ZNF829: variants seen among roughly 807,000 people sequenced by gnomAD.
ZNF829 encodes the protein zinc finger protein 829.
ZNF829 carries 25 observed loss-of-function variants against 35.2 expected under a neutral mutation model. That is an observed-to-expected ratio of 0.71 (90% CI 0.52 to 0.99). ZNF829 has a LOEUF of 0.99. ZNF829 is among the 50% of genes least tolerant of loss of function. ZNF829 has a pLI of 0.00. For missense variants in ZNF829, 417 were observed against 515.3 expected (o/e 0.81, Z 1.85); for synonymous variants, 136 against 163.2 (o/e 0.83, Z 1.27).
chr19:36,907,895 T>C (rs1333947015), intron 5 of ZNF829, 34 bp downstream of exon 5: 2 of 1,562,290 alleles, frequency 1.3e-6, no homozygotes, highest in South Asian at 1.1e-5. Flanking sequence ...TATCTCTTTA[T>C]AGCCCTGCTC....
At chr19:36,899,260 G>A (rs2073140146) in intron 5 of ZNF829, among the ~76,000 whole-genome samples, 1 of 149,016 alleles carries the variant, frequency 6.7e-6, no homozygotes, top group Admixed American at 6.6e-5. Context: ...GGGAACATAG[G>A]GAGACCCCCC....
In ZNF829 at chr19:36,911,447, A is replaced by C. The variant is rs547198771; in HGVS notation, c.97-2988T>G. 6.6e-5 allele frequency among the ~76,000 whole-genome samples: 10 copies of C among 152,176 alleles called. No homozygotes were observed. The South Asian group carries it at 1.9e-3, about 28-fold the overall frequency. ...GGCTGTTCTCAAACTCCTGACCTCA[A>C]GTGATCCTCCCATCTCGGCCTCCCA... On this transcript the variant is annotated intron_variant, in intron 3 of 5. Transcript: ENST00000391711.
intron 1 of ZNF829, 161 bp downstream of exon 1, chr19:36,915,850 C>T (rs2073321161): frequency 2.0e-6 from 3 of 1,535,990 alleles, no homozygotes; most frequent in Non-Finnish European, 2.6e-6. Flanking sequence ...CTGCCTCGGC[C>T]TCCCAAACAC....
At chr19:36,901,325 G>C (rs1304434830) in intron 5 of ZNF829, among the ~76,000 whole-genome samples, 3 of 152,248 alleles carry the variant, frequency 2.0e-5, no homozygotes, top group South Asian at 2.1e-4. Context: ...AATCCATAGA[G>C]AAAATCAACT....
In ZNF829 at chr19:36,889,181, T is replaced by C. The variant is rs1214907782; in HGVS notation, c.*2311A>G. 1.3e-5 allele frequency: 2 copies of C among 152,188 alleles called. No homozygotes were observed. Among genetic ancestry groups the C allele is most frequent in the Non-Finnish European group, 2.9e-5 (2 of 68,038 alleles). 9.4% of individuals were successfully genotyped at this position (152,188 alleles called of 1,614,324 possible). A position where few individuals can be genotyped will look rare whatever the true frequency, so the allele number is the denominator to read the frequency against. On this transcript the variant is annotated 3_prime_UTR_variant, in exon 6 of 6. Transcript: ENST00000391711. ...TGCTGTTACTATCTTTTTTATGTAC[T>C]GTTTGATTTGGTTTGCTAGTATTTT...
At position 36,892,160 on chromosome 19, in the gene ZNF829, G is replaced by GT. The variant is rs752311498; in HGVS notation, c.630dup (p.Pro211ThrfsTer3). 1.1e-5 allele frequency: 17 copies of GT among 1,613,992 alleles called. No homozygotes were observed. The highest frequency in any genetic ancestry group is 1.3e-5 in the Non-Finnish European group (15 of 1,180,026). ...TTGCCACATTCCTTACATTCATAGGGTTTTTTACCAGTGTGAATCCTCTGA... is the reference window on the plus strand; with the variant it reads ...TTGCCACATTCCTTACATTCATAGGGTTTTTTTACCAGTGTGAATCCTCTGA... On this transcript the variant is annotated frameshift_variant, in exon 6 of 6. Transcript: ENST00000391711. LOFTEE classifies it high-confidence loss of function.
At chr19:36,893,753 A>C (rs1018056270) in intron 5 of ZNF829, among the ~76,000 whole-genome samples, 3 of 152,088 alleles carry the variant, frequency 2.0e-5, no homozygotes, top group Admixed American at 2.0e-4. Flanking sequence ...AGTCCCTAAA[A>C]ATCTCTTAAA....
chr19:36,893,134 G>A (rs911431408), intron 5 of ZNF829: 2 of 396,096 alleles, frequency 5.0e-6, no homozygotes, highest in East Asian at 7.1e-5. Flanking sequence ...TTTAAATGTC[G>A]GGGGCGGGTG....
chr19:36,905,028 ATCT>A (rs2073204070), intron 5 of ZNF829, among the ~76,000 whole-genome samples: 1 of 152,128 alleles, frequency 6.6e-6, no homozygotes, highest in Admixed American at 6.6e-5. Flanking sequence ...GGACACATGG[ATCT>A]TCTATTTCCA....
intron 5 of ZNF829, 113 bp downstream of exon 5, chr19:36,907,816 A>T: frequency 1.2e-6 from 1 of 810,292 alleles, no homozygotes; most frequent in Non-Finnish European, 1.9e-6. Flanking sequence ...AAAAAAAAAA[A>T]GTGGGATAGC....
intron 5 of ZNF829, chr19:36,906,100 A>G (rs989214687): frequency 1.3e-5 from 2 of 152,210 alleles, no homozygotes; most frequent in Non-Finnish European, 2.9e-5. Context: ...AGGAAAGTAG[A>G]TCTAAATGGA....
intron 5 of ZNF829, 160 bp downstream of exon 5, chr19:36,907,769 G>A (rs2073230680): frequency 5.3e-6 from 3 of 562,720 alleles, no homozygotes; most frequent in Non-Finnish European, 3.1e-6. Flanking sequence ...AGCCAGGGAG[G>A]TACTTGCTAT....
At chr19:36,899,496 A>ATG (rs1491271379) in intron 5 of ZNF829, among the ~76,000 whole-genome samples, 3 of 84,796 alleles carry the variant, frequency 3.5e-5, no homozygotes, top group Admixed American at 1.2e-4. Context: ...AAAAAAATAC[A>ATG]TATATATATA....
In ZNF829 at chr19:36,916,181, A is replaced by C; in HGVS notation, c.-255T>G. The C allele has an allele frequency of 1.0e-5, 5 of 482,652 alleles. No homozygotes were observed. Among genetic ancestry groups the C allele is most frequent in the Non-Finnish European group, 1.8e-5 (5 of 272,298 alleles). The allele number at this position is 482,652 out of a possible 1,614,324, so 29.9% of individuals were successfully genotyped here. On this transcript the variant is annotated 5_prime_UTR_variant, in exon 1 of 6. The change abolishes an upstream ATG in the 5' untranslated region. Transcript: ENST00000391711. This position sits in a 1 kb window ranked among gnomAD's most constrained non-coding sequence, Gnocchi z 5.3. Reference sequence around the variant, plus strand: ...AACGGCTGCTCCCTCAACTCTCAACATCCAGCCGAGCCTCGGAGTTGCGGG... The same window carrying C: ...AACGGCTGCTCCCTCAACTCTCAACCTCCAGCCGAGCCTCGGAGTTGCGGG...
At chr19:36,893,191 G>A (rs181384388) in intron 5 of ZNF829, among the ~76,000 whole-genome samples, 8 of 152,246 alleles carry the variant, frequency 5.3e-5, no homozygotes, top group Admixed American at 4.6e-4. Context: ...ACCAGCCTCC[G>A]ACAAATCTAA....
chr19:36,915,370 C>T (rs1193015990), intron 1 of ZNF829, 119 bp from the exon 2 acceptor site: 3 of 1,158,064 alleles, frequency 2.6e-6, no homozygotes, highest in Non-Finnish European at 3.6e-6. Flanking sequence ...TCTCACCTGC[C>T]CACAAGGAGC....
At chr19:36,915,364 A>C (rs1600747959) in intron 1 of ZNF829, 113 bp from the exon 2 acceptor site, 7 of 1,324,764 alleles carry the variant, frequency 5.3e-6, no homozygotes, top group Non-Finnish European at 7.1e-6. Flanking sequence ...TGCACGTCTC[A>C]CCTGCCCACA....
intron 5 of ZNF829, chr19:36,901,836 G>A: frequency 6.9e-6 from 5 of 725,248 alleles, no homozygotes; most frequent in East Asian, 2.6e-5. Flanking sequence ...ATGCACAAGC[G>A]CATCCATGGA....
In ZNF829 at chr19:36,907,916, ATC is replaced by A; in HGVS notation, c.319+11_319+12del. The A allele has an allele frequency of 6.2e-7, 1 of 1,609,334 alleles. No homozygotes were observed. The highest frequency in any genetic ancestry group is 1.1e-5 in the South Asian group (1 of 90,956). On this transcript the variant is annotated intron_variant, in intron 5 of 5. Transcript: ENST00000391711. ...TTTATAGCCCTGCTCCTGAGCCATC[ATC>A]TCTTACTTACCTGAACACAGGCCTC...
Sources: allele counts gnomAD v4.1 joint callset (sites outside exome capture counted in the v4.1 genomes callset), GRCh38; gene constraint gnomAD v4.1.1; non-coding constraint Gnocchi (gnomAD v3.1); transcripts MANE v1.5; gene names NCBI Gene and HGNC (gene_info 2026-07-23, HGNC 2026-07-21).